Variants in FMN2 observed in about 807,000 individuals in gnomAD.
FMN2 encodes formin-2.
In FMN2, 51 loss-of-function variants were observed where a neutral mutation model predicts 142.3. That is an observed-to-expected ratio of 0.36 (90% CI 0.29 to 0.45). The LOEUF is 0.45. Among genes scored for constraint, FMN2 ranks in the 20% least tolerant of loss-of-function variants. The probability of loss-of-function intolerance (pLI) is 1.00; values close to 1 mark genes in which losing one functional copy is unlikely to be tolerated. For missense variants in FMN2, 1,936 were observed against 2,122.8 expected, an observed-to-expected ratio of 0.91 and a Z score of 1.73; for synonymous variants, 882 against 869.8, an observed-to-expected ratio of 1.01 and a Z score of -0.25.
chr1:240,148,648 A>G (rs1396144936), intron 2 of FMN2, among the ~76,000 whole-genome samples: 5 of 152,148 alleles, frequency 3.3e-5, no homozygotes, highest in Non-Finnish European at 7.3e-5. Context: ...TGAGATGTAA[A>G]ATGCAGATGT....
intron 16 of FMN2, among the ~76,000 whole-genome samples, chr1:240,469,475 A>C (rs1676741490): frequency 6.6e-6 from 1 of 152,180 alleles, no homozygotes; most frequent in Admixed American, 6.5e-5. Flanking sequence ...ATAAACCTGA[A>C]AACCAGTTGG....
At chr1:240,204,747 G>A (rs774997392) in intron 4 of FMN2, among the ~76,000 whole-genome samples, 4 of 151,438 alleles carry the variant, frequency 2.6e-5, no homozygotes, top group South Asian at 2.1e-4. Context: ...GCGAAACTCC[G>A]TCGCAAAAAA....
chr1:240,142,968 A>G, intron 2 of FMN2: 4 of 1,591,836 alleles, frequency 2.5e-6, no homozygotes, highest in Non-Finnish European at 3.4e-6. Context: ...GCCTAGAATA[A>G]TGTTTCGAAC....
chr1:240,163,320 T>A (rs1664353978), intron 2 of FMN2, among the ~76,000 whole-genome samples: 1 of 152,238 alleles, frequency 6.6e-6, no homozygotes, highest in African/African-American at 2.4e-5. Context: ...TGCTACTATG[T>A]TTGTGGACAT....
intron 15 of FMN2, among the ~76,000 whole-genome samples, chr1:240,437,292 CTTT>C (rs10649766): frequency 7.3e-4 from 86 of 117,366 alleles, no homozygotes; most frequent in South Asian, 2.8e-3. Flanking sequence ...GCATCTCTTG[CTTT>C]TTTTTTTTTT....
chr1:240,191,329 A>C (rs1665688576), intron 4 of FMN2, among the ~76,000 whole-genome samples: 1 of 152,390 alleles, frequency 6.6e-6, no homozygotes, highest in Non-Finnish European at 1.5e-5. Flanking sequence ...TCACAGGAGT[A>C]GAAGGCTGTG....
chr1:240,108,738 A>C (rs2103189901), intron 1 of FMN2, among the ~76,000 whole-genome samples: 1 of 152,268 alleles, frequency 6.6e-6, no homozygotes, highest in South Asian at 2.1e-4. Flanking sequence ...TCTACCATTA[A>C]AAAATGCACA....
chr1:240,426,209 T>C lies in FMN2; in HGVS notation c.4911-11852T>C, dbSNP rs370671075. On this transcript the variant is annotated intron_variant, in intron 15 of 17. Transcript: ENST00000319653. Reference sequence around the variant, plus strand: ...AAAAACCAAATTTTGAGTCATTCTTTATGTGCACAATTCCCAGACAGAGAA... The same window carrying C: ...AAAAACCAAATTTTGAGTCATTCTTCATGTGCACAATTCCCAGACAGAGAA... Among the ~76,000 whole-genome samples the C allele has an allele frequency of 2.1e-4, 32 of 152,162 alleles. No individual in the cohort carries two copies. The East Asian group carries it at 5.4e-3, about 26-fold the overall frequency.
chr1:240,101,375 A>G (rs1661406109), intron 1 of FMN2, among the ~76,000 whole-genome samples: 1 of 152,174 alleles, frequency 6.6e-6, no homozygotes, highest in Non-Finnish European at 1.5e-5. Flanking sequence ...CGTTTATACC[A>G]CGGAGTAATT....
At chr1:240,443,208 T>C (rs1197719802) in intron 16 of FMN2, among the ~76,000 whole-genome samples, 1 of 152,228 alleles carries the variant, frequency 6.6e-6, no homozygotes, top group African/African-American at 2.4e-5. Flanking sequence ...GATGAACTTT[T>C]GTTTGAAAAT....
chr1:240,196,804 C>T (rs976130635), intron 4 of FMN2, among the ~76,000 whole-genome samples: 1 of 152,084 alleles, frequency 6.6e-6, no homozygotes, highest in Non-Finnish European at 1.5e-5. Context: ...ACCCTCTAGG[C>T]GATTCTGGTG....
chr1:240,215,250 C>T (rs1426171329), intron 6 of FMN2, among the ~76,000 whole-genome samples: 2 of 152,108 alleles, frequency 1.3e-5, no homozygotes, highest in Non-Finnish European at 2.9e-5. Flanking sequence ...CAATAATAAC[C>T]ATGGAAACCA....
At chr1:240,115,714 G>T (rs1661994559) in intron 1 of FMN2, among the ~76,000 whole-genome samples, 1 of 152,156 alleles carries the variant, frequency 6.6e-6, no homozygotes, top group Non-Finnish European at 1.5e-5. Context: ...CTGCCTGGGA[G>T]AAAACATGGG....
At chr1:240,290,842 G>A (rs915321542) in intron 7 of FMN2, among the ~76,000 whole-genome samples, 1 of 137,910 alleles carries the variant, frequency 7.3e-6, no homozygotes, top group African/African-American at 2.8e-5. Flanking sequence ...CCAGGCTGGA[G>A]TACAGAGGCA....
intron 2 of FMN2, among the ~76,000 whole-genome samples, chr1:240,166,531 C>T (rs1664488882): frequency 6.6e-6 from 1 of 151,946 alleles, no homozygotes; most frequent in African/African-American, 2.4e-5. Flanking sequence ...CACCCAGCCT[C>T]GTGTATTATA....
chr1:240,234,926 A>C (rs1477220852), intron 6 of FMN2, among the ~76,000 whole-genome samples: 4 of 152,214 alleles, frequency 2.6e-5, no homozygotes, highest in Non-Finnish European at 4.4e-5. Flanking sequence ...GAATGAGTAC[A>C]TCCCTCTTAA....
intron 1 of FMN2, among the ~76,000 whole-genome samples, chr1:240,109,991 C>T (rs1220478745): frequency 6.6e-6 from 1 of 152,138 alleles, no homozygotes; most frequent in Non-Finnish European, 1.5e-5. Context: ...CTTTGCTCCT[C>T]CCCAACCTCC....
At chr1:240,180,156 T>C (rs1665090826) in intron 3 of FMN2, 2 of 1,280,900 alleles carry the variant, frequency 1.6e-6, no homozygotes, top group African/African-American at 3.1e-5. Flanking sequence ...TTTTTAAAAA[T>C]GCATTCTTGA....
At chr1:240,238,807 C>T (rs960911564) in intron 6 of FMN2, among the ~76,000 whole-genome samples, 8 of 152,070 alleles carry the variant, frequency 5.3e-5, no homozygotes, top group African/African-American at 1.9e-4. Context: ...ATTAGATACA[C>T]GGTGGAATAG....
Sources: allele counts gnomAD v4.1 joint callset (sites outside exome capture counted in the v4.1 genomes callset), GRCh38; gene constraint gnomAD v4.1.1; transcripts MANE v1.5; gene names NCBI Gene and HGNC (gene_info 2026-07-23, HGNC 2026-07-21).